Variants in RYR2 observed in about 807,000 individuals in gnomAD.
RYR2 encodes ryanodine receptor 2.
A neutral mutation model predicts 601.1 loss-of-function variants in RYR2; 227 were observed. The observed-to-expected ratio is 0.38, with a 90% CI of 0.34 to 0.42. The LOEUF (loss-of-function observed/expected upper bound fraction) is 0.42, where lower values mean the gene tolerates loss of function less well. Among genes scored for constraint, RYR2 ranks in the 10% least tolerant of loss-of-function variants. The pLI is 1.00. For missense variants in RYR2, 4,646 were observed against 6,156.5 expected, an observed-to-expected ratio of 0.75 and a Z score of 8.21; for synonymous variants, 2,223 against 2,175.1, an observed-to-expected ratio of 1.02 and a Z score of -0.61.
chr1:237,796,791 T>C (rs1659288242), intron 96 of RYR2, among the ~76,000 whole-genome samples: 2 of 151,964 alleles, frequency 1.3e-5, no homozygotes, highest in Admixed American at 6.6e-5. Flanking sequence ...TCCATTTTCT[T>C]TTTTTGTTTT....
intron 2 of RYR2, among the ~76,000 whole-genome samples, chr1:237,302,184 T>G (rs1438829652): frequency 6.6e-6 from 1 of 152,172 alleles, no homozygotes; most frequent in African/African-American, 2.4e-5. Flanking sequence ...AAACTTCCAC[T>G]CAAAAGCTTT....
chr1:237,818,220 C>A (rs1290535935), intron 100 of RYR2, among the ~76,000 whole-genome samples: 1 of 152,132 alleles, frequency 6.6e-6, no homozygotes, highest in African/African-American at 2.4e-5. Flanking sequence ...TGCCCCAGGA[C>A]ATTTGGTATC....
chr1:237,675,527 T>C (rs1354372426), intron 60 of RYR2, among the ~76,000 whole-genome samples: 1 of 152,194 alleles, frequency 6.6e-6, no homozygotes, highest in Non-Finnish European at 1.5e-5. Context: ...AGTAATACGA[T>C]GTAAGGAATT....
rs926658201 is a variant in RYR2 at position 237,640,609 on chromosome 1, T to C, written c.7116-288T>C. On this transcript the variant is annotated intron_variant, in intron 46 of 104. Coordinates refer to ENST00000366574, the MANE Select transcript of RYR2 (RefSeq NM_001035.3). ...TCTTTGTTAATGCACTCACTACCAC[T>C]AGGAAGGAAAAGAAGCCATCAAATA... Among the ~76,000 whole-genome samples, 6 of 152,222 alleles carry C rather than the reference T, an allele frequency of 3.9e-5. No homozygotes were observed. In the East Asian group the frequency reaches 9.7e-4, roughly 25 times the overall value.
chr1:237,208,955 T>TAA (rs1186156409), intron 1 of RYR2, among the ~76,000 whole-genome samples: 1 of 97,254 alleles, frequency 1.0e-5, no homozygotes, highest in Non-Finnish European at 2.2e-5. Flanking sequence ...TATATATATA[T>TAA]ATATATATAT....
chr1:237,132,004 A>G (rs1672222158), intron 1 of RYR2, among the ~76,000 whole-genome samples: 1 of 152,202 alleles, frequency 6.6e-6, no homozygotes, highest in South Asian at 2.1e-4. Context: ...GATTATAAGC[A>G]TGAGCCACCG....
At position 237,610,683 on chromosome 1, in the gene RYR2, G is replaced by C; in HGVS notation, c.4684-79G>C. 2.6e-6 allele frequency: 3 copies of C among 1,148,178 alleles called. No homozygotes were observed. The highest frequency in any genetic ancestry group is 2.9e-4 in the Middle Eastern group (1 of 3,422). The allele number at this position is 1,148,178 out of a possible 1,614,324, so 71.1% of individuals were successfully genotyped here. On this transcript the variant is annotated intron_variant, in intron 35 of 104. Transcript: ENST00000366574. This position sits in a 1 kb window ranked among gnomAD's most constrained non-coding sequence, Gnocchi z 4.9. ...ATCTTACTTTCCCTGTCTCTGTCCT[G>C]TGCAGAATTCTAGTCATTACTTTGT...
intron 27 of RYR2, among the ~76,000 whole-genome samples, chr1:237,565,240 TTCTC>T (rs1265971846): frequency 4.0e-5 from 6 of 149,178 alleles, no homozygotes; most frequent in African/African-American, 9.9e-5. Context: ...CTTTCTTTCT[TTCTC>T]TCTCTCTCTT....
chr1:237,148,517 A>C (rs1674268753), intron 1 of RYR2, among the ~76,000 whole-genome samples: 1 of 47,800 alleles, frequency 2.1e-5, no homozygotes, highest in Non-Finnish European at 3.7e-5. Context: ...ACTTCAAGTA[A>C]AAAAAAAAAA....
rs185001976 is a variant in RYR2 at position 237,356,698 on chromosome 1, C to T, written c.294+713C>T. Among the ~76,000 whole-genome samples the T allele has an allele frequency of 1.4e-3, 208 of 152,116 alleles. 1 individual carries two copies. The highest frequency in any genetic ancestry group is 4.7e-3 in the African/African-American group (195 of 41,506). On this transcript the variant is annotated intron_variant, in intron 4 of 104. Transcript: ENST00000366574. The stretch of plus-strand genomic sequence containing the variant: ...ACATTGCTTCTTTTGGTCTCGGTTT[C>T]CTTATCTGTTAGGAAAAAATAAAGG...
intron 93 of RYR2, 95 bp from the exon 94 acceptor site, chr1:237,792,010 A>G: frequency 2.3e-6 from 2 of 870,974 alleles, no homozygotes; most frequent in Middle Eastern, 2.8e-4. Context: ...TTCACATCCA[A>G]CTATTTGCTG....
At chr1:237,165,754 C>A (rs1676636256) in intron 1 of RYR2, among the ~76,000 whole-genome samples, 1 of 152,050 alleles carries the variant, frequency 6.6e-6, no homozygotes, top group Non-Finnish European at 1.5e-5. Context: ...GTAGTCCCAG[C>A]TACTTGAGAG....
chr1:237,616,616 G>A (rs1017738612), intron 37 of RYR2, among the ~76,000 whole-genome samples: 2 of 152,008 alleles, frequency 1.3e-5, no homozygotes, highest in African/African-American at 4.8e-5. Context: ...TCTTATCACT[G>A]ATGGAATAAC....
intron 27 of RYR2, among the ~76,000 whole-genome samples, chr1:237,559,407 T>C (rs2805471): frequency 0.95 from 144,207 of 152,126 alleles, 68,831 homozygotes; most frequent in East Asian, 1. Flanking sequence ...CCACCATGCC[T>C]GGCTAATTTT....
intron 4 of RYR2, among the ~76,000 whole-genome samples, chr1:237,362,957 G>C (rs1056799936): frequency 2.6e-5 from 4 of 151,966 alleles, no homozygotes; most frequent in African/African-American, 9.7e-5. Flanking sequence ...GCAGACCTCG[G>C]TCACTTGGCT....
chr1:237,565,043 A>G (rs1427273232), intron 27 of RYR2, among the ~76,000 whole-genome samples: 1 of 152,202 alleles, frequency 6.6e-6, no homozygotes, highest in Non-Finnish European at 1.5e-5. Context: ...TTTATTATGC[A>G]TAAAGTCTTT....
intron 80 of RYR2, 58 bp downstream of exon 80, chr1:237,742,407 C>A: frequency 3.4e-6 from 4 of 1,160,514 alleles, no homozygotes; most frequent in East Asian, 2.5e-5. Context: ...TGTTTCATAG[C>A]TTATAACTGA....
At chr1:237,749,043 G>A (rs1232078970) in intron 80 of RYR2, among the ~76,000 whole-genome samples, 1 of 152,212 alleles carries the variant, frequency 6.6e-6, no homozygotes, top group Non-Finnish European at 1.5e-5. Context: ...GTTAATATCT[G>A]TAGGATGTCC....
At chr1:237,051,125 T>G (rs1661204805) in intron 1 of RYR2, among the ~76,000 whole-genome samples, 1 of 152,090 alleles carries the variant, frequency 6.6e-6, no homozygotes, top group Admixed American at 6.5e-5. Flanking sequence ...TTGGGGTTTT[T>G]ATTTTTATGG....
Sources: allele counts gnomAD v4.1 joint callset (sites outside exome capture counted in the v4.1 genomes callset), GRCh38; gene constraint gnomAD v4.1.1; non-coding constraint Gnocchi (gnomAD v3.1); transcripts MANE v1.5; gene names NCBI Gene and HGNC (gene_info 2026-07-23, HGNC 2026-07-21).